The following SLC25A13 variants were observed in gnomAD, a reference collection of about 807,000 sequenced individuals.
SLC25A13 encodes the protein electrogenic aspartate/glutamate antiporter SLC25A13, mitochondrial.
A neutral mutation model predicts 85.5 loss-of-function variants in SLC25A13; 70 were observed. The ratio of observed to expected loss-of-function variants is 0.82; its 90% CI spans 0.68 to 1.00. SLC25A13 has a LOEUF of 1.00. Ranked by LOEUF, SLC25A13 falls within the 50% of genes least tolerant of loss-of-function variation. The pLI is 0.00. For missense variants in SLC25A13, 765 were observed against 819.8 expected (o/e 0.93, Z 0.82); for synonymous variants, 259 against 288.7 (o/e 0.90, Z 1.04).
chr7:96,130,785 CA>C (rs1791994016), intron 15 of SLC25A13, among the ~76,000 whole-genome samples: 1 of 152,188 alleles, frequency 6.6e-6, no homozygotes, highest in African/African-American at 2.4e-5. Context: ...AGCCAGGAAA[CA>C]GTAGCCCTGC....
At chr7:96,274,316 G>C (rs1204975042) in intron 3 of SLC25A13, among the ~76,000 whole-genome samples, 2 of 152,112 alleles carry the variant, frequency 1.3e-5, no homozygotes, top group Non-Finnish European at 2.9e-5. Flanking sequence ...CTTTTGAGAA[G>C]TGTCTGTTCA....
At chr7:96,236,408 A>G (rs1423367505) in intron 3 of SLC25A13, among the ~76,000 whole-genome samples, 1 of 152,112 alleles carries the variant, frequency 6.6e-6, no homozygotes, top group Non-Finnish European at 1.5e-5. Context: ...GGAAGGGGAG[A>G]TAGTCATGAG....
intron 14 of SLC25A13, among the ~76,000 whole-genome samples, chr7:96,135,169 G>T (rs920918974): frequency 4.6e-5 from 7 of 152,124 alleles, no homozygotes; most frequent in African/African-American, 1.7e-4. Flanking sequence ...TAATATGTGT[G>T]AAAGTCCTTG....
chr7:96,168,085 C>T lies in SLC25A13; in HGVS notation c.1311+1960G>A, dbSNP rs373858478. The stretch of plus-strand genomic sequence containing the variant: ...ACTGCACTCCAGCCTGGTGACAGAG[C>T]GAAACTCTGTCTGAAAAAAAAAAAA... On this transcript the variant is annotated intron_variant, in intron 13 of 17. Coordinates refer to ENST00000265631, the MANE Select transcript of SLC25A13 (RefSeq NM_014251.3). Among the ~76,000 whole-genome samples, 16 of 75,192 alleles carry T rather than the reference C, an allele frequency of 2.1e-4. No individual in the cohort carries two copies. The East Asian group carries it at 4.2e-3, about 20-fold the overall frequency. The allele number at this position is 75,192 out of a possible 152,430, so 49.3% of individuals were successfully genotyped here.
intron 2 of SLC25A13, among the ~76,000 whole-genome samples, chr7:96,288,430 G>A (rs1798976593): frequency 6.6e-6 from 1 of 152,340 alleles, no homozygotes; most frequent in South Asian, 2.1e-4. Context: ...GGGCAGGACA[G>A]TGGGTGCAGC....
chr7:96,120,700 C>G lies in SLC25A13; in HGVS notation c.*491G>C, dbSNP rs1315874579. 2.2e-6 allele frequency: 1 copy of G among 454,356 alleles called. No individual in the cohort carries two copies. The highest frequency in any genetic ancestry group is 6.9e-5 in the East Asian group (1 of 14,408). 28.1% of individuals were successfully genotyped at this position (454,356 alleles called of 1,614,324 possible). On this transcript the variant is annotated 3_prime_UTR_variant, in exon 18 of 18. Coordinates refer to ENST00000265631, the MANE Select transcript of SLC25A13 (RefSeq NM_014251.3). ...AATCCAGAGACAGAATTTGTGCATG[C>G]TTACAATTTGAAGCCAGGCTGAATA...
chr7:96,320,373 C>T (rs1800295296), intron 1 of SLC25A13, among the ~76,000 whole-genome samples: 1 of 152,106 alleles, frequency 6.6e-6, no homozygotes, highest in Non-Finnish European at 1.5e-5. Flanking sequence ...AATTTATGTT[C>T]CTCAATTACC....
chr7:96,274,369 TG>T (rs1798363706), intron 3 of SLC25A13, among the ~76,000 whole-genome samples: 5 of 152,224 alleles, frequency 3.3e-5, no homozygotes, highest in Admixed American at 2.6e-4. Context: ...GTTTTTTTCT[TG>T]TAGATTTGTT....
At chr7:96,311,570 A>T (rs920452544) in intron 1 of SLC25A13, among the ~76,000 whole-genome samples, 8 of 152,208 alleles carry the variant, frequency 5.3e-5, no homozygotes, top group African/African-American at 1.7e-4. Flanking sequence ...GATTAACAAG[A>T]TTTAAAAGAC....
intron 15 of SLC25A13, among the ~76,000 whole-genome samples, chr7:96,128,793 TAATAAA>T (rs1044258964): frequency 7.1e-6 from 1 of 141,794 alleles, no homozygotes; most frequent in Non-Finnish European, 1.5e-5. Context: ...ATAATAATAA[TAATAAA>T]AGTCAATGCT....
chr7:96,251,584 T>C (rs1797429652), intron 3 of SLC25A13, among the ~76,000 whole-genome samples: 1 of 152,194 alleles, frequency 6.6e-6, no homozygotes, highest in Non-Finnish European at 1.5e-5. Flanking sequence ...CATCATTGGG[T>C]GTTGAATCAC....
chr7:96,140,695 G>A (rs112817393), intron 14 of SLC25A13, among the ~76,000 whole-genome samples: 2,228 of 151,330 alleles, frequency 0.015, 62 homozygotes, highest in African/African-American at 0.05. Flanking sequence ...CAGGCACCGC[G>A]CCTGGCCTAC....
At chr7:96,266,535 G>A (rs991926164) in intron 3 of SLC25A13, among the ~76,000 whole-genome samples, 1 of 152,104 alleles carries the variant, frequency 6.6e-6, no homozygotes, top group African/African-American at 2.4e-5. Flanking sequence ...AGAGGAGGAG[G>A]AGCGCTATCT....
intron 2 of SLC25A13, among the ~76,000 whole-genome samples, 184 bp from the exon 3 acceptor site, chr7:96,277,522 T>C (rs142462714): frequency 1.8e-4 from 28 of 152,332 alleles, no homozygotes; most frequent in African/African-American, 6.3e-4. Context: ...GTTTTATGTT[T>C]ATAAACTTAA....
At chr7:96,237,063 AC>A (rs1397787103) in intron 3 of SLC25A13, among the ~76,000 whole-genome samples, 4 of 151,932 alleles carry the variant, frequency 2.6e-5, no homozygotes, top group Non-Finnish European at 5.9e-5. Context: ...CACTTTCCAA[AC>A]CCCCTTTCCT....
At chr7:96,226,691 T>C (rs1796340018) in intron 4 of SLC25A13, among the ~76,000 whole-genome samples, 1 of 152,012 alleles carries the variant, frequency 6.6e-6, no homozygotes. Flanking sequence ...AAGAAAACTA[T>C]GTTGACATTC....
At chr7:96,291,516 T>C (rs1300566049) in intron 2 of SLC25A13, among the ~76,000 whole-genome samples, 3 of 151,890 alleles carry the variant, frequency 2.0e-5, no homozygotes, top group Admixed American at 6.6e-5. Context: ...ATCAACAAAA[T>C]TGATAGACTG....
rs1791510647 is a variant in SLC25A13, at chr7:96,121,638, T to C, written c.1841+17A>G. 1.2e-6 allele frequency: 2 copies of C among 1,613,490 alleles called. No individual in the cohort carries two copies. The highest frequency in any genetic ancestry group is 2.7e-5 in the African/African-American group (2 of 74,920). On this transcript the variant is annotated intron_variant, in intron 17 of 17. Coordinates refer to ENST00000265631, the MANE Select transcript of SLC25A13 (RefSeq NM_014251.3). ...GCAGCAGCCAAAATTTAGCAGCAGA[T>C]TTAGCATGATACTTACACTCCTCCA...
chr7:96,277,087 G>A, intron 3 of SLC25A13, 109 bp downstream of exon 3: 1 of 1,026,014 alleles, frequency 9.7e-7, no homozygotes. Flanking sequence ...TACAGAAAAT[G>A]GTCCTAAGAG....
Sources: allele counts gnomAD v4.1 joint callset (sites outside exome capture counted in the v4.1 genomes callset), GRCh38; gene constraint gnomAD v4.1.1; transcripts MANE v1.5; gene names NCBI Gene and HGNC (gene_info 2026-07-23, HGNC 2026-07-21).